Variants in NWD1 observed in about 807,000 individuals in gnomAD.
The protein encoded by NWD1 is NACHT domain- and WD repeat-containing protein 1.
NWD1 carries 129 observed loss-of-function variants against 135.1 expected under a neutral mutation model. The ratio of observed to expected loss-of-function variants is 0.96; its 90% CI spans 0.83 to 1.11. The LOEUF is 1.11. Among genes scored for constraint, NWD1 ranks in the 50% least tolerant of loss-of-function variants. NWD1 has a pLI of 0.00. For synonymous variants in NWD1, 773 were observed against 786.0 expected (o/e 0.98, Z 0.28); for missense variants, 1,740 against 1,851.3 (o/e 0.94, Z 1.10).
chr19:16,754,292 C>T (rs894865151), intron 6 of NWD1, among the ~76,000 whole-genome samples: 1 of 151,132 alleles, frequency 6.6e-6, no homozygotes, highest in African/African-American at 2.4e-5. Context: ...ATCCATCCAT[C>T]CACCCATCAT....
intron 17 of NWD1, among the ~76,000 whole-genome samples, chr19:16,800,575 T>A (rs1970574779): frequency 6.6e-6 from 1 of 152,044 alleles, no homozygotes; most frequent in African/African-American, 2.4e-5. Flanking sequence ...CTGGGTGGCA[T>A]AAGCAAGAAA....
At chr19:16,799,754 T>G in intron 16 of NWD1, 132 bp from the exon 17 acceptor site, 1 of 720,706 alleles carries the variant, frequency 1.4e-6, no homozygotes, top group East Asian at 2.6e-5. Context: ...GTGATCCACC[T>G]GCCTCAGCCT....
intron 9 of NWD1, among the ~76,000 whole-genome samples, 193 bp from the exon 10 acceptor site, chr19:16,764,841 G>A (rs540736483): frequency 2.8e-4 from 43 of 152,300 alleles, no homozygotes; most frequent in Non-Finnish European, 4.7e-4. Flanking sequence ...TCTGGTGGGT[G>A]GAGGCCAGGG....
intron 4 of NWD1, among the ~76,000 whole-genome samples, chr19:16,739,167 T>C (rs976646400): frequency 3.6e-5 from 5 of 137,734 alleles, no homozygotes; most frequent in African/African-American, 1.4e-4. Context: ...AGGAGCCCAA[T>C]GATCATTTTA....
intron 11 of NWD1, among the ~76,000 whole-genome samples, chr19:16,774,800 T>C (rs1160204517): frequency 6.6e-6 from 1 of 151,818 alleles, no homozygotes; most frequent in East Asian, 1.9e-4. Flanking sequence ...TCCACCCCTC[T>C]ACCCACTTAT....
Position 16,779,500 on chromosome 19 carries a change from C to G in NWD1, c.2731+35C>G, listed in dbSNP as rs73928646. 25,099 of 1,603,950 alleles carry G rather than the reference C, an allele frequency of 0.016. 3,090 individuals are homozygous for G. The African/African-American group carries it at 0.28, about 18-fold the overall frequency. On this transcript the variant is annotated intron_variant, in intron 12 of 18. Coordinates refer to ENST00000524140, the MANE Select transcript of NWD1 (RefSeq NM_001007525.5). ...GGGAAGTGGGCTTTGTGGTCAGCTT[C>G]CATAGTGAAAAGTTGGTTCTCAGAG...
chr19:16,765,145 G>A lies in NWD1; in HGVS notation c.2363G>A (p.Arg788His), dbSNP rs369799191. 7.4e-6 allele frequency: 12 copies of A among 1,613,994 alleles called. No homozygotes were observed. The highest frequency in any genetic ancestry group is 6.7e-5 in the East Asian group (3 of 44,898). ...GACTCCCCTGAGGTTGGCCTGGTCCGTGAAGCCCTCCAGCTCTGCCGCCCT... is the reference window on the plus strand; with the variant it reads ...GACTCCCCTGAGGTTGGCCTGGTCCATGAAGCCCTCCAGCTCTGCCGCCCT... ...HLDSPEVGLV[R>H]EALQLCRPAV... Residue 788 changes from arginine to histidine, a missense_variant, in exon 10 of 19, where the codon CGT becomes CAT. Physicochemically the swap from Arg to His is conservative, Grantham distance 29. Transcript: ENST00000524140.
rs544728680 is a variant in NWD1 at position 16,725,114 on chromosome 19, C to T, written c.-7+651C>T. Among the ~76,000 whole-genome samples the T allele has an allele frequency of 1.3e-4, 20 of 151,190 alleles. No homozygotes were observed. In the East Asian group the frequency reaches 2.0e-3, roughly 15 times the overall value. ...GCAACCTCTCTGCCTCCCAGGTTCA[C>T]GCAATTCCCATGCCTCAGCCTCTCG... is the stretch of plus-strand genomic sequence containing the variant. On this transcript the variant is annotated intron_variant, in intron 2 of 18. Coordinates refer to ENST00000524140, the MANE Select transcript of NWD1 (RefSeq NM_001007525.5).
At chr19:16,773,095 A>G (rs1969470494) in intron 10 of NWD1, 31 bp from the exon 11 acceptor site, 1 of 1,600,904 alleles carries the variant, frequency 6.2e-7, no homozygotes, top group African/African-American at 1.3e-5. Context: ...GGCTCAATCC[A>G]GGCAACTTAG....
intron 11 of NWD1, among the ~76,000 whole-genome samples, chr19:16,775,178 G>A (rs1277459341): frequency 6.6e-6 from 1 of 152,072 alleles, no homozygotes; most frequent in African/African-American, 2.4e-5. Context: ...GAGACACTAA[G>A]TACAATGCAT....
At chr19:16,748,546 G>A (rs933318447) in intron 5 of NWD1, among the ~76,000 whole-genome samples, 6 of 152,086 alleles carry the variant, frequency 3.9e-5, no homozygotes, top group African/African-American at 1.4e-4. Context: ...GCTAAATCAG[G>A]CCGGGCGCAG....
rs527475181 is a variant in NWD1 at position 16,734,652 on chromosome 19, C to A, written c.82-1982C>A. The stretch of plus-strand genomic sequence containing the variant: ...AGTGCAGGCATGCAATCACAGCTCA[C>A]TGCAGCTTTCTGGGCTCAGGTGATC... On this transcript the variant is annotated intron_variant, in intron 3 of 18. Transcript: ENST00000524140. Among the ~76,000 whole-genome samples, 68 of 151,732 alleles carry A rather than the reference C, an allele frequency of 4.5e-4. 4 individuals are homozygous for A. In the South Asian group the frequency reaches 0.014, roughly 31 times the overall value.
At chr19:16,814,280 A>G (rs993626673) in intron 18 of NWD1, among the ~76,000 whole-genome samples, 1 of 152,208 alleles carries the variant, frequency 6.6e-6, no homozygotes, top group African/African-American at 2.4e-5. Flanking sequence ...AGACTTGCCT[A>G]AGGTCACACA....
Position 16,750,198 on chromosome 19 carries a change from A to T in NWD1, c.1556A>T (p.His519Leu), listed in dbSNP as rs1175279668. The change falls in exon 6 of 19, where the codon CAC (histidine) becomes CTC (leucine). Residue 519 changes from histidine (H) to leucine (L), a missense_variant. His to Leu is a moderately conservative substitution (Grantham distance 99). Transcript: ENST00000524140. ...AAARRTLSPV[H>L]TDLLWASLPE... ...GCAAGGAGGACGCTGAGCCCGGTGC[A>T]CACAGATTTGCTCTGGGCCAGCCTC... 12 of 1,613,262 alleles carry T rather than the reference A, an allele frequency of 7.4e-6. No individual in the cohort carries two copies. The highest frequency in any genetic ancestry group is 1.0e-5 in the Non-Finnish European group (12 of 1,179,732).
chr19:16,759,116 G>A (rs1968908867), intron 6 of NWD1, 109 bp from the exon 7 acceptor site: 2 of 832,526 alleles, frequency 2.4e-6, no homozygotes, highest in South Asian at 3.0e-5. Flanking sequence ...CCCAGGTGAT[G>A]TGCTGGACAC....
intron 12 of NWD1, among the ~76,000 whole-genome samples, chr19:16,784,172 T>G (rs1969959058): frequency 6.7e-6 from 1 of 150,268 alleles, no homozygotes; most frequent in South Asian, 2.1e-4. Flanking sequence ...GCCACTGCAC[T>G]CCAGCCTTGG....
chr19:16,809,109 AG>A (rs1039342394), intron 18 of NWD1, among the ~76,000 whole-genome samples: 2 of 150,522 alleles, frequency 1.3e-5, no homozygotes, highest in African/African-American at 4.9e-5. Flanking sequence ...TTTTTTTTTG[AG>A]ATGGAGTCTT....
chr19:16,755,183 C>G (rs1968741282), intron 6 of NWD1, among the ~76,000 whole-genome samples: 1 of 152,066 alleles, frequency 6.6e-6, no homozygotes, highest in African/African-American at 2.4e-5. Flanking sequence ...TATTTCTCAT[C>G]TATATCGATC....
chr19:16,761,881 A>G, intron 7 of NWD1, 98 bp from the exon 8 acceptor site: 1 of 965,734 alleles, frequency 1.0e-6, no homozygotes, highest in East Asian at 2.4e-5. Flanking sequence ...GTGGTTTAGG[A>G]TGGCTTGGGA....
Sources: gnomAD v4.1 joint callset for allele counts (sites outside exome capture counted in the v4.1 genomes callset) on GRCh38, gnomAD v4.1.1 for gene constraint, MANE v1.5 for transcripts, NCBI Gene and HGNC (gene_info 2026-07-23, HGNC 2026-07-21) for gene names.